The following KLHL14 variants were observed in gnomAD, a reference collection of about 807,000 sequenced individuals.
KLHL14 encodes kelch-like protein 14.
A neutral mutation model predicts 64.3 loss-of-function variants in KLHL14; 22 were observed. The ratio of observed to expected loss-of-function variants is 0.34; its 90% CI spans 0.24 to 0.49. The LOEUF (loss-of-function observed/expected upper bound fraction) is 0.49. KLHL14 is among the 20% of genes least tolerant of loss of function. The pLI is 0.99. For missense variants in KLHL14, 661 were observed against 789.0 expected (o/e 0.84, Z 1.94); for synonymous variants, 322 against 333.4 (o/e 0.97, Z 0.37).
At chr18:32,771,981 A>T (rs2050389619) in intron 1 of KLHL14, 1 of 200,072 alleles carries the variant, frequency 5.0e-6, no homozygotes, top group Admixed American at 6.2e-5. Flanking sequence ...GCATCTAGGC[A>T]GAGGAGGGCA....
chr18:32,716,402 A>G (rs2004848), intron 3 of KLHL14, among the ~76,000 whole-genome samples: 6,871 of 150,934 alleles, frequency 0.046, 537 homozygotes, highest in African/African-American at 0.16. Flanking sequence ...TAAATTGTGA[A>G]GATTTTAGCT....
At chr18:32,767,791 A>C (rs1362015005) in intron 2 of KLHL14, among the ~76,000 whole-genome samples, 2 of 152,268 alleles carry the variant, frequency 1.3e-5, no homozygotes, top group African/African-American at 2.4e-5. Context: ...GATCAAATTT[A>C]TAAAGCTCCT....
chr18:32,695,515 C>A lies in KLHL14; in HGVS notation c.1107G>T (p.Glu369Asp). Residue 369 changes from glutamate (E) to aspartate (D), a missense_variant, in exon 4 of 9, where the codon GAG becomes GAT. Glu to Asp is a conservative substitution (Grantham distance 45, BLOSUM62 2). This residue lies in a region of KLHL14 where 330 missense variants were observed against 450.0 expected (regional missense o/e 0.73). Coordinates refer to ENST00000359358, the MANE Select transcript of KLHL14 (RefSeq NM_020805.3). ...PYNSAHHCVVEVENFLFVLGG... is the reference protein window; with the variant it reads ...PYNSAHHCVVDVENFLFVLGG... ...CCAACACGAACAAGAAGTTTTCCAC[C>A]TCCACAACGCAGTGGTGGGCACTGT... 6.2e-7 allele frequency: 1 copy of A among 1,612,796 alleles called. No homozygotes were observed. Among genetic ancestry groups the A allele is most frequent in the Non-Finnish European group, 8.5e-7 (1 of 1,179,044 alleles).
At chr18:32,734,481 C>T (rs2050153305) in intron 3 of KLHL14, among the ~76,000 whole-genome samples, 1 of 152,148 alleles carries the variant, frequency 6.6e-6, no homozygotes, top group African/African-American at 2.4e-5. Flanking sequence ...GGAGTTATTA[C>T]CGCAGCATAA....
chr18:32,682,558 G>C (rs1375860118), intron 5 of KLHL14, among the ~76,000 whole-genome samples: 1 of 152,104 alleles, frequency 6.6e-6, no homozygotes, highest in African/African-American at 2.4e-5. Flanking sequence ...GATCATCAAA[G>C]GGATTTCTGA....
rs558455680 is a variant in KLHL14, at chr18:32,764,751, C to T, written c.947+4894G>A. Among the ~76,000 whole-genome samples the T allele has an allele frequency of 1.2e-4, 18 of 152,198 alleles. No homozygotes were observed. In the South Asian group the frequency reaches 1.5e-3, roughly 12 times the overall value. On this transcript the variant is annotated intron_variant, in intron 2 of 8. Transcript: ENST00000359358. ...CCATTCATTTATGTACTGTCAGTTG[C>T]GTTTTTGCACTACAGGTGAAGAGTA...
chr18:32,704,283 G>C (rs1462005849), intron 3 of KLHL14, among the ~76,000 whole-genome samples: 1 of 152,112 alleles, frequency 6.6e-6, no homozygotes, highest in East Asian at 1.9e-4. Context: ...AGTTATTGAG[G>C]GCAGAAGGAA....
At chr18:32,726,540 C>T (rs1382222888) in intron 3 of KLHL14, among the ~76,000 whole-genome samples, 1 of 152,084 alleles carries the variant, frequency 6.6e-6, no homozygotes, top group Non-Finnish European at 1.5e-5. Context: ...AGGAGAATCA[C>T]TTGAACCCGG....
intron 4 of KLHL14, among the ~76,000 whole-genome samples, chr18:32,693,405 C>CAGAGAG (rs1167660313): frequency 5.0e-5 from 6 of 120,920 alleles, no homozygotes; most frequent in African/African-American, 1.9e-4. Flanking sequence ...CACACACACA[C>CAGAGAG]ACACACACAG....
chr18:32,676,345 G>A (rs553987922), intron 8 of KLHL14, among the ~76,000 whole-genome samples: 53 of 152,198 alleles, frequency 3.5e-4, no homozygotes, highest in African/African-American at 1.3e-3. Flanking sequence ...AAGAGTCAGG[G>A]TAATGTTCTA....
At chr18:32,729,210 G>T (rs2050123079) in intron 3 of KLHL14, among the ~76,000 whole-genome samples, 1 of 152,160 alleles carries the variant, frequency 6.6e-6, no homozygotes, top group African/African-American at 2.4e-5. Context: ...TCACCTATTT[G>T]TTTCCTTGCC....
chr18:32,673,240 C>T lies in KLHL14; in HGVS notation c.*1417G>A, dbSNP rs1225316271. ...CGTGCTCTGCCATGAAAGCTTATCA[C>T]TAAGGCATTTTTCATCTGTGGGATT... On this transcript the variant is annotated 3_prime_UTR_variant, in exon 9 of 9. Coordinates refer to ENST00000359358, the MANE Select transcript of KLHL14 (RefSeq NM_020805.3). 1 of 152,576 alleles carries T rather than the reference C, an allele frequency of 6.6e-6. No homozygotes were observed. The highest frequency in any genetic ancestry group is 1.5e-5 in the Non-Finnish European group (1 of 68,022). The allele number at this position is 152,576 out of a possible 1,614,324, so 9.5% of individuals were successfully genotyped here.
chr18:32,715,971 A>T (rs1217726118), intron 3 of KLHL14, among the ~76,000 whole-genome samples: 1 of 152,198 alleles, frequency 6.6e-6, no homozygotes, highest in Non-Finnish European at 1.5e-5. Flanking sequence ...TCAATTGGAA[A>T]ATCTAAAAAG....
In KLHL14 at chr18:32,730,757, A is replaced by G. The variant is rs150651624; in HGVS notation, c.1069+11171T>C. On this transcript the variant is annotated intron_variant, in intron 3 of 8. Coordinates refer to ENST00000359358, the MANE Select transcript of KLHL14 (RefSeq NM_020805.3). ...CTGAAAGTGCTTTGCGGTTCTCAAC[A>G]TAAAAATGTGGGAACATTATGGTCT... Among the ~76,000 whole-genome samples the G allele has an allele frequency of 7.0e-4, 106 of 152,352 alleles. 1 individual carries two copies. In the East Asian group the frequency reaches 0.017, roughly 24 times the overall value.
intron 1 of KLHL14, chr18:32,772,106 C>G (rs1379215157): frequency 4.2e-6 from 1 of 237,006 alleles, no homozygotes; most frequent in Admixed American, 5.6e-5. Flanking sequence ...GCCGGCCCGC[C>G]GGCCCGCCGG....
intron 3 of KLHL14, among the ~76,000 whole-genome samples, chr18:32,735,352 C>T (rs761714417): frequency 5.3e-5 from 8 of 152,148 alleles, no homozygotes; most frequent in Non-Finnish European, 8.8e-5. Flanking sequence ...TATAGCACCT[C>T]CTCTCTTTGC....
intron 3 of KLHL14, among the ~76,000 whole-genome samples, chr18:32,739,542 ATTG>A (rs1436901948): frequency 6.6e-6 from 1 of 152,140 alleles, no homozygotes; most frequent in Non-Finnish European, 1.5e-5. Flanking sequence ...TGAAATGAAC[ATTG>A]TTAAGTAGAG....
chr18:32,725,867 C>G (rs1251905117), intron 3 of KLHL14, among the ~76,000 whole-genome samples: 1 of 152,208 alleles, frequency 6.6e-6, no homozygotes, highest in Non-Finnish European at 1.5e-5. Flanking sequence ...GTCATGGTGT[C>G]ATACAACTTG....
intron 1 of KLHL14, chr18:32,772,308 C>T (rs2050394132): frequency 3.1e-6 from 1 of 325,122 alleles, no homozygotes; most frequent in Non-Finnish European, 6.6e-6. Flanking sequence ...CCCTCCCTCG[C>T]GCTCCCTCCG....
Sources: gnomAD v4.1 joint callset for allele counts (sites outside exome capture counted in the v4.1 genomes callset) on GRCh38, gnomAD v4.1.1 for gene constraint, gnomAD v4.1.1 regional missense constraint, MANE v1.5 for transcripts, NCBI Gene and HGNC (gene_info 2026-07-23, HGNC 2026-07-21) for gene names.